The following LRRC8B variants were observed in gnomAD, a reference collection of about 807,000 sequenced individuals.
LRRC8B encodes volume-regulated anion channel subunit LRRC8B.
In LRRC8B, 23 loss-of-function variants were observed where a neutral mutation model predicts 58.8. The ratio of observed to expected loss-of-function variants is 0.39; its 90% CI spans 0.28 to 0.55. LRRC8B has a LOEUF of 0.55. Among genes scored for constraint, LRRC8B ranks in the 20% least tolerant of loss-of-function variants. The probability of loss-of-function intolerance (pLI) is 0.62; values close to 1 mark genes in which losing one functional copy is unlikely to be tolerated. For missense variants in LRRC8B, 694 were observed against 936.0 expected (o/e 0.74, Z 3.37); for synonymous variants, 359 against 374.1 (o/e 0.96, Z 0.47).
intron 1 of LRRC8B, among the ~76,000 whole-genome samples, chr1:89,566,369 A>G (rs1347650218): frequency 6.6e-6 from 1 of 152,140 alleles, no homozygotes; most frequent in African/African-American, 2.4e-5. Flanking sequence ...TTTTAAATCC[A>G]TCTGTTATTT....
intron 5 of LRRC8B, among the ~76,000 whole-genome samples, chr1:89,592,247 A>G (rs1570656859): frequency 6.6e-6 from 1 of 152,332 alleles, no homozygotes; most frequent in East Asian, 1.9e-4. Context: ...GTGCATGTAT[A>G]TATAATCATA....
At chr1:89,533,872 A>G (rs555233538) in intron 1 of LRRC8B, among the ~76,000 whole-genome samples, 36 of 152,322 alleles carry the variant, frequency 2.4e-4, no homozygotes, top group African/African-American at 8.7e-4. Context: ...ATTTTAAAGA[A>G]TATCTCCTTG....
At chr1:89,554,750 T>A (rs1400866768) in intron 1 of LRRC8B, among the ~76,000 whole-genome samples, 2 of 152,168 alleles carry the variant, frequency 1.3e-5, no homozygotes, top group African/African-American at 4.8e-5. Context: ...AAACAGATGG[T>A]ATTGTCAAAT....
intron 1 of LRRC8B, among the ~76,000 whole-genome samples, chr1:89,565,789 A>T (rs138714534): frequency 2.6e-5 from 4 of 152,150 alleles, no homozygotes; most frequent in African/African-American, 9.6e-5. Context: ...ATCACCGATC[A>T]CTCTGAGCTC....
chr1:89,565,405 T>C (rs957415082), intron 1 of LRRC8B, among the ~76,000 whole-genome samples: 1 of 152,206 alleles, frequency 6.6e-6, no homozygotes, highest in Admixed American at 6.5e-5. Context: ...CCAGTCATGC[T>C]GAATTTGACA....
At chr1:89,546,329 T>G (rs534226635) in intron 1 of LRRC8B, among the ~76,000 whole-genome samples, 1 of 152,292 alleles carries the variant, frequency 6.6e-6, no homozygotes, top group Non-Finnish European at 1.5e-5. Context: ...TGGCATCTTA[T>G]CAAGAATGGC....
intron 5 of LRRC8B, chr1:89,587,848 G>A (rs1654735416): frequency 6.6e-6 from 1 of 152,290 alleles, no homozygotes; most frequent in Non-Finnish European, 1.5e-5. Flanking sequence ...GAGGACTGTA[G>A]CCAGAATCAT....
chr1:89,536,518 A>G (rs573406827), intron 1 of LRRC8B, among the ~76,000 whole-genome samples: 1 of 152,230 alleles, frequency 6.6e-6, no homozygotes, highest in Non-Finnish European at 1.5e-5. Context: ...TGAGCAGCTA[A>G]TATGTGTCAG....
At chr1:89,551,475 T>C (rs1651808474) in intron 1 of LRRC8B, among the ~76,000 whole-genome samples, 1 of 152,220 alleles carries the variant, frequency 6.6e-6, no homozygotes, top group Admixed American at 6.5e-5. Flanking sequence ...ATTTAATCCT[T>C]CATTTTTTTC....
At chr1:89,550,960 A>G (rs55931050) in intron 1 of LRRC8B, among the ~76,000 whole-genome samples, 4,914 of 152,094 alleles carry the variant, frequency 0.032, 118 homozygotes, top group Non-Finnish European at 0.052. Flanking sequence ...TAGAATCTAT[A>G]ATTGTTCTCT....
At chr1:89,533,599 C>T (rs1207250244) in intron 1 of LRRC8B, among the ~76,000 whole-genome samples, 1 of 152,216 alleles carries the variant, frequency 6.6e-6, no homozygotes, top group African/African-American at 2.4e-5. Context: ...CACAGCTCCT[C>T]ATTCCCTCTT....
Position 89,594,202 on chromosome 1 carries a change from C to G in LRRC8B, c.*1159C>G, listed in dbSNP as rs2101120593. 6.6e-6 allele frequency: 1 copy of G among 152,230 alleles called. No homozygotes were observed. The highest frequency in any genetic ancestry group is 3.4e-3 in the Middle Eastern group (1 of 294). 9.4% of individuals were successfully genotyped at this position (152,230 alleles called of 1,614,324 possible). On this transcript the variant is annotated 3_prime_UTR_variant, in exon 6 of 6. Transcript: ENST00000330947. Reference sequence around the variant, plus strand: ...TAGAATTTGTGCATTTCTTTATGAACTTACTGTTAGTGTTCTTGGTTTCGG... The same window carrying G: ...TAGAATTTGTGCATTTCTTTATGAAGTTACTGTTAGTGTTCTTGGTTTCGG...
At chr1:89,580,238 G>C (rs1364519885) in intron 4 of LRRC8B, among the ~76,000 whole-genome samples, 1 of 152,324 alleles carries the variant, frequency 6.6e-6, no homozygotes, top group South Asian at 2.1e-4. Context: ...AAACGGTTTA[G>C]AAACAACAGC....
At position 89,580,653 on chromosome 1, in the gene LRRC8B, A is replaced by G. The variant is rs974923173; in HGVS notation, c.-27+965A>G. Among the ~76,000 whole-genome samples, 26 of 152,140 alleles carry G rather than the reference A, an allele frequency of 1.7e-4. 1 individual carries two copies. The highest frequency in any genetic ancestry group is 5.1e-4 in the African/African-American group (21 of 41,410). ...AGGCAGAGAGGTGAGGCAGAATGAG[A>G]AGAGTTGAGAGTTAGAAATAGATCC... is the stretch of plus-strand genomic sequence containing the variant. On this transcript the variant is annotated intron_variant, in intron 4 of 5. Transcript: ENST00000330947.
At chr1:89,530,326 T>TCCAG (rs994216715) in intron 1 of LRRC8B, among the ~76,000 whole-genome samples, 176 of 151,652 alleles carry the variant, frequency 1.2e-3, no homozygotes, top group African/African-American at 4.1e-3. Flanking sequence ...GCCACTGCAC[T>TCCAG]CCAGCCTGGG....
chr1:89,561,958 G>A (rs1557606939), intron 1 of LRRC8B, among the ~76,000 whole-genome samples: 1 of 152,112 alleles, frequency 6.6e-6, no homozygotes, highest in East Asian at 1.9e-4. Context: ...TAGGTGAGCA[G>A]TTCGACCCCA....
At chr1:89,536,933 CAT>C (rs1032535908) in intron 1 of LRRC8B, among the ~76,000 whole-genome samples, 24 of 152,146 alleles carry the variant, frequency 1.6e-4, no homozygotes, top group Non-Finnish European at 2.6e-4. Flanking sequence ...CACACATACT[CAT>C]GTGTGTACAA....
intron 1 of LRRC8B, among the ~76,000 whole-genome samples, chr1:89,540,303 C>A (rs1650861336): frequency 6.6e-6 from 1 of 152,178 alleles, no homozygotes; most frequent in Non-Finnish European, 1.5e-5. Flanking sequence ...GTGTCCATTA[C>A]ATTGTAGTAT....
chr1:89,526,204 CTCTTTGTTTTGTT>C (rs1373863663), intron 1 of LRRC8B, among the ~76,000 whole-genome samples: 3 of 152,130 alleles, frequency 2.0e-5, no homozygotes, highest in Non-Finnish European at 1.5e-5. Context: ...ACCCCAAATG[CTCTTTGTTTTGTT>C]TCTTTGTTTT....
Sources: allele counts gnomAD v4.1 joint callset (sites outside exome capture counted in the v4.1 genomes callset), GRCh38; gene constraint gnomAD v4.1.1; transcripts MANE v1.5; gene names NCBI Gene and HGNC (gene_info 2026-07-23, HGNC 2026-07-21).